TSPAN7: variants seen among roughly 807,000 people sequenced by gnomAD.
The protein encoded by TSPAN7 is tetraspanin-7.
Under a neutral mutation model 17.6 loss-of-function variants are expected in TSPAN7, and 1 was observed. That is an observed-to-expected ratio of 0.06 (90% confidence interval 0.02 to 0.27). TSPAN7 has a LOEUF of 0.27. TSPAN7 is among the 10% of genes least tolerant of loss of function. The pLI is 1.00. For synonymous variants in TSPAN7, 78 were observed against 79.0 expected (o/e 0.99, Z 0.07); for missense variants, 112 against 201.7 (o/e 0.56, Z 2.69).
At chrX:38,589,082 G>A (rs191484311) in intron 1 of TSPAN7, among the ~76,000 whole-genome samples, 1 of 111,860 alleles carries the variant, frequency 8.9e-6, no homozygotes, top group East Asian at 2.8e-4. Flanking sequence ...GCATTAGAAG[G>A]ATGGATTGGA....
rs191770975 is a variant in TSPAN7 at position 38,594,867 on chromosome X, G to A, written c.81+33240G>A. Among the ~76,000 whole-genome samples, 711 of 111,056 alleles carry A rather than the reference G, an allele frequency of 6.4e-3. 4 individuals are homozygous for A. Among genetic ancestry groups the A allele is most frequent in the Middle Eastern group, 0.032 (7 of 217 alleles). On this transcript the variant is annotated intron_variant, in intron 1 of 7. Coordinates refer to ENST00000378482, the MANE Select transcript of TSPAN7 (RefSeq NM_004615.4). ...TTTGTGCATGCATGGAGTGGGTGGC[G>A]GTGAGGACACTTAAAGTCTGTATTT...
chrX:38,688,090 C>T lies in TSPAN7; in HGVS notation c.*159C>T, dbSNP rs777583895. 1.5e-4 allele frequency: 17 copies of T among 116,247 alleles called. No homozygotes were observed. The highest frequency in any genetic ancestry group is 2.5e-4 in the Non-Finnish European group (14 of 55,584). 9.6% of individuals were successfully genotyped at this position (116,247 alleles called of 1,213,427 possible). A position where few individuals can be genotyped will look rare whatever the true frequency, so the allele number is the denominator to read the frequency against. ...CACAACGTGCAACTGACACTCCCAC[C>T]CAGTCTCTGCTCCACCTTTCAGCCC... On this transcript the variant is annotated 3_prime_UTR_variant, in exon 8 of 8. Coordinates refer to ENST00000378482, the MANE Select transcript of TSPAN7 (RefSeq NM_004615.4).
At chrX:38,601,364 G>C (rs1185971489) in intron 1 of TSPAN7, among the ~76,000 whole-genome samples, 2 of 111,573 alleles carry the variant, frequency 1.8e-5, no homozygotes, top group African/African-American at 6.5e-5. Context: ...CTGCCATGGG[G>C]TAAGTATAGT....
At chrX:38,633,235 T>C (rs2069560636) in intron 1 of TSPAN7, among the ~76,000 whole-genome samples, 1 of 112,365 alleles carries the variant, frequency 8.9e-6, no homozygotes, top group African/African-American at 3.2e-5. Context: ...AGATTTATTT[T>C]AGTTTTTCTA....
At chrX:38,626,031 C>T (rs1378706701) in intron 1 of TSPAN7, among the ~76,000 whole-genome samples, 1 of 112,351 alleles carries the variant, frequency 8.9e-6, no homozygotes, top group African/African-American at 3.2e-5. Flanking sequence ...AAGACTGTTT[C>T]TTGTTCACTG....
chrX:38,596,481 T>G (rs2069319252), intron 1 of TSPAN7, among the ~76,000 whole-genome samples: 1 of 111,879 alleles, frequency 8.9e-6, no homozygotes, highest in Non-Finnish European at 1.9e-5. Context: ...CTTTTTAGTA[T>G]CTAATATATA....
intron 1 of TSPAN7, among the ~76,000 whole-genome samples, chrX:38,592,473 C>G (rs2069297518): frequency 9.0e-6 from 1 of 110,974 alleles, no homozygotes; most frequent in Admixed American, 9.6e-5. Context: ...TTTCCTTTAT[C>G]TCCTTTATTT....
chrX:38,674,579 G>A (rs1362243090), intron 4 of TSPAN7, among the ~76,000 whole-genome samples: 1 of 111,849 alleles, frequency 8.9e-6, no homozygotes, highest in African/African-American at 3.3e-5. Flanking sequence ...TTGCTCTTCA[G>A]ATCTGAACCC....
At chrX:38,666,376 G>T in intron 2 of TSPAN7, 67 bp downstream of exon 2, 1 of 1,096,229 alleles carries the variant, frequency 9.1e-7, no homozygotes. Context: ...ATTACATGGA[G>T]GTGAAGTGGT....
intron 3 of TSPAN7, among the ~76,000 whole-genome samples, chrX:38,673,526 CCTGA>C (rs1472639117): frequency 1.8e-5 from 2 of 109,143 alleles, no homozygotes; most frequent in East Asian, 2.9e-4. Flanking sequence ...TGCCACCATG[CCTGA>C]CTAATTTTTT....
intron 6 of TSPAN7, among the ~76,000 whole-genome samples, chrX:38,685,392 G>A: frequency 8.9e-6 from 1 of 112,168 alleles, no homozygotes; most frequent in East Asian, 2.8e-4. Flanking sequence ...GGCTGAGGCA[G>A]GCACATCACT....
At chrX:38,687,071 G>C (rs1406824136) in intron 6 of TSPAN7, among the ~76,000 whole-genome samples, 1 of 111,889 alleles carries the variant, frequency 8.9e-6, no homozygotes, top group Admixed American at 9.5e-5. Context: ...GCCTGATCAA[G>C]AATAGTGTCT....
chrX:38,587,680 T>C (rs1304035696), intron 1 of TSPAN7, among the ~76,000 whole-genome samples: 1 of 111,453 alleles, frequency 9.0e-6, no homozygotes, highest in Non-Finnish European at 1.9e-5. Context: ...GATTCTTAAT[T>C]TTACTTGGAC....
chrX:38,575,317 A>G (rs2069188290), intron 1 of TSPAN7, among the ~76,000 whole-genome samples: 1 of 112,108 alleles, frequency 8.9e-6, no homozygotes, highest in Admixed American at 9.5e-5. Flanking sequence ...AAACTATGAG[A>G]TAATAAATGT....
At chrX:38,643,007 A>G (rs753168498) in intron 1 of TSPAN7, among the ~76,000 whole-genome samples, 1 of 111,239 alleles carries the variant, frequency 9.0e-6, no homozygotes, top group South Asian at 4.0e-4. Flanking sequence ...CTGGGGAAGA[A>G]TGGGATGGAG....
At chrX:38,572,019 C>T (rs2069171855) in intron 1 of TSPAN7, among the ~76,000 whole-genome samples, 2 of 109,244 alleles carry the variant, frequency 1.8e-5, no homozygotes, top group South Asian at 3.9e-4. Flanking sequence ...TATTTTTTTT[C>T]ACAGTTATTC....
intron 1 of TSPAN7, among the ~76,000 whole-genome samples, chrX:38,623,781 A>G (rs947242802): frequency 9.2e-6 from 1 of 108,889 alleles, no homozygotes; most frequent in Admixed American, 9.8e-5. Context: ...CCCAAACTGA[A>G]CAGATTTTTC....
chrX:38,688,645 G>A lies in TSPAN7; in HGVS notation c.*714G>A, dbSNP rs772072708. ...TATAACCCTGTTACAAAGCTGTGTT[G>A]TTGCTTCTTGTGAAGGCCATGATAT... On this transcript the variant is annotated 3_prime_UTR_variant, in exon 8 of 8. Transcript: ENST00000378482. The A allele has an allele frequency of 8.9e-6, 1 of 112,129 alleles. No individual in the cohort carries two copies. Among genetic ancestry groups the A allele is most frequent in the African/African-American group, 3.2e-5 (1 of 30,808 alleles). 9.2% of individuals were successfully genotyped at this position (112,129 alleles called of 1,213,427 possible).
At chrX:38,658,592 T>C (rs1238110637) in intron 1 of TSPAN7, among the ~76,000 whole-genome samples, 1 of 111,752 alleles carries the variant, frequency 8.9e-6, no homozygotes, top group South Asian at 3.8e-4. Context: ...CTCTTTGCTG[T>C]CCCCTGTCTT....
Sources: gnomAD v4.1 joint callset for allele counts (sites outside exome capture counted in the v4.1 genomes callset) on GRCh38, gnomAD v4.1.1 for gene constraint, MANE v1.5 for transcripts, NCBI Gene and HGNC (gene_info 2026-07-23, HGNC 2026-07-21) for gene names.